CPA6: variants seen among roughly 807,000 people sequenced by gnomAD.
The protein encoded by CPA6 is carboxypeptidase B.
A neutral mutation model predicts 63.3 loss-of-function variants in CPA6; 58 were observed. The observed-to-expected ratio is 0.92, with a 90% CI of 0.74 to 1.14. The LOEUF is 1.14. Among genes scored for constraint, CPA6 ranks in the 50% most tolerant of loss-of-function variants. The pLI, the probability that CPA6 is intolerant of heterozygous loss-of-function variation, is 0.00. For missense variants in CPA6, 565 were observed against 526.6 expected, an observed-to-expected ratio of 1.07 and a Z score of -0.71; for synonymous variants, 185 against 179.0, an observed-to-expected ratio of 1.03 and a Z score of -0.27.
chr8:67,537,531 G>A (rs1339491795), intron 2 of CPA6, among the ~76,000 whole-genome samples: 1 of 152,182 alleles, frequency 6.6e-6, no homozygotes, highest in Admixed American at 6.5e-5. Flanking sequence ...TGTGGGATCA[G>A]TGGTGATATC....
intron 2 of CPA6, among the ~76,000 whole-genome samples, chr8:67,621,474 A>T (rs1352083401): frequency 6.6e-6 from 1 of 152,188 alleles, no homozygotes; most frequent in African/African-American, 2.4e-5. Context: ...GAATAAACTG[A>T]CTAGAGGCAA....
intron 8 of CPA6, among the ~76,000 whole-genome samples, chr8:67,446,293 A>C (rs1455747846): frequency 6.6e-6 from 1 of 151,294 alleles, no homozygotes; most frequent in African/African-American, 2.4e-5. Flanking sequence ...GTCATTTGCT[A>C]GGCTGGCAAT....
intron 6 of CPA6, among the ~76,000 whole-genome samples, chr8:67,501,573 T>C (rs536619692): frequency 6.6e-6 from 1 of 152,278 alleles, no homozygotes; most frequent in Non-Finnish European, 1.5e-5. Context: ...CTTTTGAGTA[T>C]TAAACTGGGA....
chr8:67,724,179 C>T (rs550893502), intron 1 of CPA6, among the ~76,000 whole-genome samples: 2 of 152,312 alleles, frequency 1.3e-5, no homozygotes. Context: ...AATGTAGAAC[C>T]TGTGCTTGTT....
intron 8 of CPA6, chr8:67,452,756 C>G (rs1185734197): frequency 6.6e-6 from 1 of 152,192 alleles, no homozygotes; most frequent in Admixed American, 6.5e-5. Context: ...ATTAGGAGTA[C>G]TGGGGAGTTG....
Position 67,713,099 on chromosome 8 carries a change from GTATATATA to G in CPA6, c.116+32907_116+32914del, listed in dbSNP as rs67842734. Among the ~76,000 whole-genome samples the G allele has an allele frequency of 1.5e-3, 81 of 55,032 alleles. 1 individual carries two copies. Among genetic ancestry groups the G allele is most frequent in the African/African-American group, 3.6e-3 (49 of 13,496 alleles). The allele number at this position is 55,032 out of a possible 152,430, so 36.1% of individuals were successfully genotyped here. A position where few individuals can be genotyped will look rare whatever the true frequency, so the allele number is the denominator to read the frequency against. On this transcript the variant is annotated intron_variant, in intron 1 of 10. Transcript: ENST00000297770. ...TGTGTGTGTATGTGTGTGTGTGTGT[GTATATATA>G]TATATATATATATATATATATATAT...
intron 2 of CPA6, among the ~76,000 whole-genome samples, chr8:67,546,172 A>C (rs192985028): frequency 3.5e-4 from 53 of 152,318 alleles, no homozygotes; most frequent in African/African-American, 1.2e-3. Flanking sequence ...GTCTAATGTA[A>C]GAAAAAGAGT....
intron 1 of CPA6, among the ~76,000 whole-genome samples, chr8:67,733,381 T>C (rs77071002): frequency 0.084 from 12,714 of 151,926 alleles, 654 homozygotes; most frequent in East Asian, 0.15. Context: ...TGAGACCCAC[T>C]GTCCAGGGAC....
intron 8 of CPA6, among the ~76,000 whole-genome samples, chr8:67,471,780 A>T (rs546495427): frequency 2.2e-4 from 33 of 152,336 alleles, no homozygotes; most frequent in African/African-American, 7.5e-4. Context: ...GTTACTTCAT[A>T]AGGAGTTTGG....
chr8:67,625,287 C>A (rs1435544221), intron 1 of CPA6, among the ~76,000 whole-genome samples: 1 of 152,172 alleles, frequency 6.6e-6, no homozygotes, highest in African/African-American at 2.4e-5. Context: ...CAAAAAAAAT[C>A]TCTATAGGAC....
chr8:67,542,100 G>A (rs1244064765), intron 2 of CPA6, among the ~76,000 whole-genome samples: 2 of 152,128 alleles, frequency 1.3e-5, no homozygotes, highest in African/African-American at 2.4e-5. Context: ...TTAAGATTTC[G>A]GCACCTATTA....
chr8:67,532,290 T>G (rs1483294574), intron 2 of CPA6, among the ~76,000 whole-genome samples: 6 of 152,122 alleles, frequency 3.9e-5, no homozygotes, highest in Non-Finnish European at 7.4e-5. Flanking sequence ...AAGATTGAAA[T>G]GACCGATGTT....
chr8:67,560,095 G>T (rs1813169496), intron 2 of CPA6, among the ~76,000 whole-genome samples: 1 of 149,690 alleles, frequency 6.7e-6, no homozygotes, highest in Non-Finnish European at 1.5e-5. Context: ...CCTACTCTTT[G>T]GTATTTTTGT....
chr8:67,699,536 T>A (rs1816978862), intron 1 of CPA6, among the ~76,000 whole-genome samples: 1 of 151,686 alleles, frequency 6.6e-6, no homozygotes, highest in African/African-American at 2.4e-5. Flanking sequence ...CATGCAATTT[T>A]AAGTCCAAGT....
chr8:67,651,350 T>A (rs1292838950), intron 1 of CPA6, among the ~76,000 whole-genome samples: 3 of 152,180 alleles, frequency 2.0e-5, no homozygotes, highest in African/African-American at 7.2e-5. Flanking sequence ...ATGGCTTTAT[T>A]TGTATTATGC....
At chr8:67,715,261 AATTCT>A in intron 1 of CPA6, among the ~76,000 whole-genome samples, 1 of 152,270 alleles carries the variant, frequency 6.6e-6, no homozygotes, top group East Asian at 1.9e-4. Context: ...GCCAATTCTA[AATTCT>A]GGGCCTCCTA....
chr8:67,733,218 A>AT (rs1817746472), intron 1 of CPA6, among the ~76,000 whole-genome samples: 1 of 118,210 alleles, frequency 8.5e-6, no homozygotes, highest in African/African-American at 3.6e-5. Context: ...AAAAAAAAAA[A>AT]AAAAAATAAA....
At chr8:67,710,722 T>C (rs1032021320) in intron 1 of CPA6, among the ~76,000 whole-genome samples, 2 of 147,672 alleles carry the variant, frequency 1.4e-5, no homozygotes, top group Non-Finnish European at 3.0e-5. Context: ...TAGGGTCCCA[T>C]TGGCCCAAAG....
At chr8:67,696,735 G>A (rs1175222258) in intron 1 of CPA6, among the ~76,000 whole-genome samples, 1 of 151,654 alleles carries the variant, frequency 6.6e-6, no homozygotes, top group Non-Finnish European at 1.5e-5. Flanking sequence ...CAAACTAAGT[G>A]AAAGATAGTA....
Sources: allele counts gnomAD v4.1 joint callset (sites outside exome capture counted in the v4.1 genomes callset), GRCh38; gene constraint gnomAD v4.1.1; transcripts MANE v1.5; gene names NCBI Gene and HGNC (gene_info 2026-07-23, HGNC 2026-07-21).